Variants in GRM8 observed in about 807,000 individuals in gnomAD.
GRM8 encodes the protein metabotropic glutamate receptor 8.
In GRM8, 47 loss-of-function variants were observed where a neutral mutation model predicts 87.2. That is an observed-to-expected ratio of 0.54 (90% CI 0.43 to 0.69). The LOEUF is 0.69. Among genes scored for constraint, GRM8 ranks in the 30% least tolerant of loss-of-function variants. The probability of loss-of-function intolerance (pLI) is 0.00; values close to 1 mark genes in which losing one functional copy is unlikely to be tolerated. For missense variants in GRM8, 1,019 were observed against 1,139.2 expected (o/e 0.89, Z 1.52); for synonymous variants, 396 against 404.5 (o/e 0.98, Z 0.25).
chr7:126,905,484 C>T lies in GRM8; in HGVS notation c.728-801G>A, dbSNP rs143008603. 4.4e-3 allele frequency among the ~76,000 whole-genome samples: 675 copies of T among 152,204 alleles called. 7 individuals carry two copies. The highest frequency in any genetic ancestry group is 0.015 in the African/African-American group (643 of 41,522). On this transcript the variant is annotated intron_variant, in intron 3 of 10. Transcript: ENST00000339582. ...AACATTCTGAAACTAGATGAGAAAG[C>T]AATATTAGTAATAGGTTTCAACTGC...
chr7:126,995,177 G>C (rs746658646), intron 3 of GRM8, among the ~76,000 whole-genome samples: 24 of 152,102 alleles, frequency 1.6e-4, no homozygotes, highest in Admixed American at 9.2e-4. Flanking sequence ...GTATTACTCG[G>C]CTTGGAACCC....
intron 9 of GRM8, among the ~76,000 whole-genome samples, chr7:126,461,830 T>G (rs980341670): frequency 6.6e-6 from 1 of 151,718 alleles, no homozygotes; most frequent in Non-Finnish European, 1.5e-5. Flanking sequence ...TACTTTTGGC[T>G]TAATGTATTG....
intron 7 of GRM8, among the ~76,000 whole-genome samples, chr7:126,765,307 C>G (rs1156487469): frequency 6.6e-6 from 1 of 151,920 alleles, no homozygotes; most frequent in African/African-American, 2.4e-5. Flanking sequence ...AGGACCAGTT[C>G]TTTCTTTAGA....
At chr7:126,457,075 GCC>G (rs1803334124) in intron 9 of GRM8, among the ~76,000 whole-genome samples, 1 of 151,394 alleles carries the variant, frequency 6.6e-6, no homozygotes, top group African/African-American at 2.4e-5. Context: ...CTGTGTGTGT[GCC>G]TGTGTGTGTG....
At chr7:127,082,640 G>A (rs1195827521) in intron 3 of GRM8, among the ~76,000 whole-genome samples, 6 of 152,120 alleles carry the variant, frequency 3.9e-5, no homozygotes, top group African/African-American at 1.4e-4. Context: ...TCTCTCCTGG[G>A]AAAGTAACAA....
chr7:127,145,672 C>G (rs528326709), intron 2 of GRM8, among the ~76,000 whole-genome samples: 4 of 152,104 alleles, frequency 2.6e-5, no homozygotes, highest in African/African-American at 9.6e-5. Flanking sequence ...ATGGGCCATT[C>G]AACACTTTGA....
intron 8 of GRM8, among the ~76,000 whole-genome samples, chr7:126,540,937 T>C (rs1301229154): frequency 6.6e-6 from 1 of 152,240 alleles, no homozygotes; most frequent in Admixed American, 6.5e-5. Context: ...ATAAAGCTGT[T>C]ATTTAAAAAA....
intron 2 of GRM8, among the ~76,000 whole-genome samples, chr7:127,171,737 T>A (rs1793814030): frequency 6.6e-6 from 1 of 152,214 alleles, no homozygotes; most frequent in South Asian, 2.1e-4. Context: ...TTTGTGTAAT[T>A]CACTTTATTG....
At chr7:126,563,381 T>C (rs769911513) in intron 8 of GRM8, among the ~76,000 whole-genome samples, 16 of 152,114 alleles carry the variant, frequency 1.1e-4, no homozygotes, top group Non-Finnish European at 2.1e-4. Context: ...TGTAACAGAA[T>C]GTTGAGTAGG....
chr7:126,861,677 T>C (rs147864018), intron 6 of GRM8, among the ~76,000 whole-genome samples: 118 of 152,150 alleles, frequency 7.8e-4, no homozygotes, highest in African/African-American at 2.7e-3. Flanking sequence ...TTCTTATTTA[T>C]TGGCCATTTT....
chr7:127,197,385 G>C (rs1326616454), intron 2 of GRM8, among the ~76,000 whole-genome samples: 2 of 152,196 alleles, frequency 1.3e-5, no homozygotes, highest in Non-Finnish European at 2.9e-5. Context: ...GTTTGTACTT[G>C]AAGCTTTTCA....
chr7:127,161,515 G>A (rs1290782122), intron 2 of GRM8, among the ~76,000 whole-genome samples: 1 of 152,120 alleles, frequency 6.6e-6, no homozygotes, highest in Non-Finnish European at 1.5e-5. Context: ...AATTGCAGGG[G>A]GCTGATGTGA....
intron 3 of GRM8, among the ~76,000 whole-genome samples, chr7:126,991,607 T>C (rs1933717355): frequency 6.6e-6 from 1 of 152,156 alleles, no homozygotes; most frequent in Non-Finnish European, 1.5e-5. Flanking sequence ...TAGATTAAGA[T>C]TGTTAAAATA....
chr7:127,059,840 T>C (rs1820439697), intron 3 of GRM8, among the ~76,000 whole-genome samples: 1 of 152,222 alleles, frequency 6.6e-6, no homozygotes, highest in Non-Finnish European at 1.5e-5. Context: ...AAGCCACTTG[T>C]ACTTTCTTGA....
intron 7 of GRM8, among the ~76,000 whole-genome samples, chr7:126,625,259 T>A (rs1466080081): frequency 6.6e-6 from 1 of 152,162 alleles, no homozygotes; most frequent in Non-Finnish European, 1.5e-5. Context: ...ATATATAATA[T>A]AAGGTGGACT....
chr7:127,121,200 T>C (rs964490910), intron 2 of GRM8, among the ~76,000 whole-genome samples: 6 of 152,336 alleles, frequency 3.9e-5, no homozygotes, highest in African/African-American at 1.4e-4. Context: ...CTTTGCGCCC[T>C]CTACATGAGC....
intron 3 of GRM8, chr7:127,081,007 T>C (rs2283092): frequency 0.28 from 43,263 of 152,092 alleles, 6,801 homozygotes; most frequent in African/African-American, 0.42. Flanking sequence ...ACATTCATCA[T>C]TCAGTATCCC....
intron 8 of GRM8, among the ~76,000 whole-genome samples, chr7:126,562,771 C>T (rs1250386225): frequency 2.0e-5 from 3 of 152,114 alleles, no homozygotes; most frequent in Non-Finnish European, 2.9e-5. Context: ...GTGGCATATG[C>T]CTGTAATCCC....
At chr7:126,924,187 G>A (rs1268692699) in intron 3 of GRM8, among the ~76,000 whole-genome samples, 3 of 152,204 alleles carry the variant, frequency 2.0e-5, no homozygotes, top group Non-Finnish European at 4.4e-5. Context: ...TGAGGCCCAT[G>A]CCTGGCAAGG....
Sources: allele counts gnomAD v4.1 joint callset (sites outside exome capture counted in the v4.1 genomes callset), GRCh38; gene constraint gnomAD v4.1.1; transcripts MANE v1.5; gene names NCBI Gene and HGNC (gene_info 2026-07-23, HGNC 2026-07-21).